CSMD3: variants seen among roughly 807,000 people sequenced by gnomAD.
The protein encoded by CSMD3 is CUB and Sushi multiple domains 3.
Under a neutral mutation model 435.2 loss-of-function variants are expected in CSMD3, and 177 were observed. The observed-to-expected ratio is 0.41, with a 90% CI of 0.36 to 0.46. CSMD3 has a LOEUF of 0.46. Ranked by LOEUF, CSMD3 falls within the 20% of genes least tolerant of loss-of-function variation. The pLI is 0.34. For synonymous variants in CSMD3, 1,656 were observed against 1,520.5 expected (o/e 1.09, Z -2.07); for missense variants, 4,265 against 4,504.6 (o/e 0.95, Z 1.52).
chr8:112,891,514 A>C (rs910457360), intron 10 of CSMD3, among the ~76,000 whole-genome samples: 6 of 151,550 alleles, frequency 4.0e-5, no homozygotes, highest in Non-Finnish European at 7.4e-5. Context: ...TTCAAATGCT[A>C]TGAAGCTTGA....
intron 59 of CSMD3, among the ~76,000 whole-genome samples, chr8:112,278,741 C>T (rs374076771): frequency 2.0e-5 from 3 of 152,224 alleles, no homozygotes; most frequent in South Asian, 2.1e-4. Flanking sequence ...AAACAACCTT[C>T]GTTGTTGTTG....
At chr8:113,211,389 C>G (rs2092832810) in intron 3 of CSMD3, among the ~76,000 whole-genome samples, 1 of 152,058 alleles carries the variant, frequency 6.6e-6, no homozygotes, top group Non-Finnish European at 1.5e-5. Flanking sequence ...GTTTGTAAAA[C>G]AAGGACCGTA....
chr8:112,405,236 T>C (rs759952277), intron 35 of CSMD3, among the ~76,000 whole-genome samples: 1 of 98,972 alleles, frequency 1.0e-5, no homozygotes, highest in Non-Finnish European at 1.9e-5. Context: ...TATATATATA[T>C]ATATATATAT....
chr8:112,296,340 A>G (rs1463742470), intron 53 of CSMD3, among the ~76,000 whole-genome samples: 1 of 152,082 alleles, frequency 6.6e-6, no homozygotes, highest in East Asian at 1.9e-4. Flanking sequence ...TCACGAGGTC[A>G]GGAGATTGAG....
chr8:112,777,811 T>A (rs1217300378), intron 13 of CSMD3, among the ~76,000 whole-genome samples: 1 of 151,812 alleles, frequency 6.6e-6, no homozygotes, highest in African/African-American at 2.4e-5. Flanking sequence ...GAAATAAACA[T>A]GAATGACACT....
At chr8:113,227,238 A>C (rs1438468178) in intron 3 of CSMD3, among the ~76,000 whole-genome samples, 1 of 151,526 alleles carries the variant, frequency 6.6e-6, no homozygotes, top group Non-Finnish European at 1.5e-5. Flanking sequence ...TTTTATAGTA[A>C]TTTCTCCTGT....
At chr8:112,358,525 A>G (rs1269619641) in intron 38 of CSMD3, among the ~76,000 whole-genome samples, 1 of 152,136 alleles carries the variant, frequency 6.6e-6, no homozygotes, top group Non-Finnish European at 1.5e-5. Context: ...GTGGCAGGTA[A>G]TTGAATCATG....
chr8:112,615,677 G>A (rs1833610836), intron 22 of CSMD3, among the ~76,000 whole-genome samples: 1 of 151,972 alleles, frequency 6.6e-6, no homozygotes, highest in Non-Finnish European at 1.5e-5. Flanking sequence ...AGACAAAATT[G>A]TAACCTATAT....
intron 5 of CSMD3, among the ~76,000 whole-genome samples, chr8:113,046,305 T>C (rs931603649): frequency 2.0e-5 from 3 of 148,822 alleles, no homozygotes; most frequent in African/African-American, 7.3e-5. Context: ...CTTGCGGAGT[T>C]TTAAAAAAGA....
intron 10 of CSMD3, among the ~76,000 whole-genome samples, chr8:112,897,944 T>C (rs1277586247): frequency 6.6e-6 from 1 of 151,266 alleles, no homozygotes; most frequent in African/African-American, 2.4e-5. Context: ...GTCTCCTTTT[T>C]AATGATTTAT....
chr8:113,290,696 C>A (rs905757377), intron 2 of CSMD3, among the ~76,000 whole-genome samples: 9 of 151,524 alleles, frequency 5.9e-5, no homozygotes, highest in Non-Finnish European at 8.9e-5. Flanking sequence ...AATGCAGTGA[C>A]ATGGAACGTA....
In CSMD3 at chr8:112,223,667, G is replaced by A. The variant is rs1812337821; in HGVS notation, c.*1104C>T. The stretch of plus-strand genomic sequence containing the variant: ...AATTGTAGGCAATAAATTTATATTG[G>A]TGATTTATAATAATAATTTTTTTCA... On this transcript the variant is annotated 3_prime_UTR_variant, in exon 71 of 71. Coordinates refer to ENST00000297405, the MANE Select transcript of CSMD3 (RefSeq NM_198123.2). 1 of 152,026 alleles carries A rather than the reference G, an allele frequency of 6.6e-6. No individual in the cohort carries two copies. The highest frequency in any genetic ancestry group is 2.4e-5 in the African/African-American group (1 of 41,406). The allele number at this position is 152,026 out of a possible 1,614,324, so 9.4% of individuals were successfully genotyped here. A position where few individuals can be genotyped will look rare whatever the true frequency, so the allele number is the denominator to read the frequency against.
At chr8:112,606,972 G>GAAAAAAAAAAAAA (rs71309778) in intron 22 of CSMD3, among the ~76,000 whole-genome samples, 1 of 36,638 alleles carries the variant, frequency 2.7e-5, no homozygotes, top group Non-Finnish European at 4.7e-5. Context: ...CTCAAGCTAT[G>GAAAAAAAAAAAAA]AAAAAAAAAA....
At chr8:112,620,057 T>C (rs1833950938) in intron 22 of CSMD3, among the ~76,000 whole-genome samples, 1 of 151,900 alleles carries the variant, frequency 6.6e-6, no homozygotes, top group African/African-American at 2.4e-5. Context: ...AGTGGGGGTA[T>C]AGTGACTCAA....
chr8:112,729,101 C>T (rs1485037787), intron 13 of CSMD3, among the ~76,000 whole-genome samples: 3 of 151,858 alleles, frequency 2.0e-5, no homozygotes, highest in African/African-American at 4.8e-5. Context: ...AAGTTATGTA[C>T]TTTTTCTGTT....
At chr8:113,248,246 T>A (rs578127424) in intron 3 of CSMD3, among the ~76,000 whole-genome samples, 1 of 151,698 alleles carries the variant, frequency 6.6e-6, no homozygotes, top group African/African-American at 2.4e-5. Context: ...AAAATAGAGA[T>A]GAAGCATAAT....
chr8:112,866,648 TTCTA>T (rs2080993351), intron 10 of CSMD3, among the ~76,000 whole-genome samples: 1 of 152,120 alleles, frequency 6.6e-6, no homozygotes, highest in African/African-American at 2.4e-5. Context: ...GTAATTACAT[TTCTA>T]TCTATCTTTA....
At chr8:113,074,541 C>T (rs1002102335) in intron 5 of CSMD3, among the ~76,000 whole-genome samples, 3 of 151,776 alleles carry the variant, frequency 2.0e-5, no homozygotes, top group Non-Finnish European at 2.9e-5. Flanking sequence ...TTGCATACTC[C>T]AATCAGAGGC....
intron 8 of CSMD3, 107 bp downstream of exon 8, chr8:112,954,577 T>C: frequency 2.8e-6 from 2 of 709,518 alleles, no homozygotes; most frequent in Admixed American, 2.1e-5. Flanking sequence ...TTAATGCAGT[T>C]AATTTGGTAA....
Sources: gnomAD v4.1 joint callset for allele counts (sites outside exome capture counted in the v4.1 genomes callset) on GRCh38, gnomAD v4.1.1 for gene constraint, MANE v1.5 for transcripts, NCBI Gene and HGNC (gene_info 2026-07-23, HGNC 2026-07-21) for gene names.